Variants in TNFAIP8L1 observed in about 807,000 individuals in gnomAD.
TNFAIP8L1 encodes the protein TNF alpha induced protein 8 like 1.
For missense variants in TNFAIP8L1, 225 were observed against 266.1 expected (o/e 0.85, Z 1.08); for synonymous variants, 127 against 125.6 (o/e 1.01, Z -0.08).
rs2088316308 is a variant in TNFAIP8L1, at chr19:4,646,846, G to A, written c.-3-5021G>A. On this transcript the variant is annotated intron_variant, in intron 1 of 1. Transcript: ENST00000327473. ...GGGGTTTCACCGTGTTAGCCAGGAT[G>A]GTCTCGATCTCCTGACCTTGTGATC... Among the ~76,000 whole-genome samples the A allele has an allele frequency of 5.3e-5, 8 of 152,264 alleles. No homozygotes were observed. In the South Asian group the frequency reaches 1.7e-3, roughly 32 times the overall value.
Position 4,652,573 on chromosome 19 carries a change from C to T in TNFAIP8L1, c.*143C>T. The T allele has an allele frequency of 1.3e-6, 1 of 778,998 alleles. No individual in the cohort carries two copies. Among genetic ancestry groups the T allele is most frequent in the Non-Finnish European group, 2.0e-6 (1 of 506,820 alleles). 48.3% of individuals were successfully genotyped at this position (778,998 alleles called of 1,614,324 possible). ...CCCTAGACAGATGGGTGACCTGTCTCCTTTGAGAGGATGCTGAGGCATCTG... is the reference window on the plus strand; with the variant it reads ...CCCTAGACAGATGGGTGACCTGTCTTCTTTGAGAGGATGCTGAGGCATCTG... On this transcript the variant is annotated 3_prime_UTR_variant, in exon 2 of 2. Transcript: ENST00000327473.
chr19:4,651,193 C>T (rs2088361005), intron 1 of TNFAIP8L1, among the ~76,000 whole-genome samples: 1 of 151,590 alleles, frequency 6.6e-6, no homozygotes. Flanking sequence ...GAACGGAACC[C>T]CCTGTAACAA....
intron 1 of TNFAIP8L1, among the ~76,000 whole-genome samples, chr19:4,646,635 A>AT (rs879544415): frequency 4.6e-4 from 65 of 141,284 alleles, no homozygotes; most frequent in Middle Eastern, 7.6e-3. Flanking sequence ...TCTCCTGAAC[A>AT]TTTTTTTTTT....
At chr19:4,639,697 C>G (rs1414513862) in intron 1 of TNFAIP8L1, 68 bp downstream of exon 1, 2 of 152,256 alleles carry the variant, frequency 1.3e-5, no homozygotes, top group African/African-American at 2.4e-5. Context: ...CGCCCTCTGT[C>G]TCTCCCGCCC....
rs919399253 is a variant in TNFAIP8L1, at chr19:4,647,410, A to C, written c.-3-4457A>C. On this transcript the variant is annotated intron_variant, in intron 1 of 1. Transcript: ENST00000327473. Reference sequence around the variant, plus strand: ...TGCAACCTCCACCTCCCGGGTTCAAATGATCCTCCTGCCTCAGCCTCCAGA... The same window carrying C: ...TGCAACCTCCACCTCCCGGGTTCAACTGATCCTCCTGCCTCAGCCTCCAGA... 4.0e-5 allele frequency among the ~76,000 whole-genome samples: 6 copies of C among 151,812 alleles called. No homozygotes were observed. In the South Asian group the frequency reaches 1.2e-3, roughly 32 times the overall value.
In TNFAIP8L1 at chr19:4,652,026, C is replaced by T. The variant is rs147056067; in HGVS notation, c.157C>T (p.Arg53Cys). 1.6e-4 allele frequency: 257 copies of T among 1,613,986 alleles called. No individual in the cohort carries two copies. Among genetic ancestry groups the T allele is most frequent in the Non-Finnish European group, 2.0e-4 (231 of 1,179,936 alleles). Residue 53 changes from arginine to cysteine, a missense_variant, in exon 2 of 2, where the codon CGC becomes TGC. Physicochemically the swap from Arg to Cys is radical, Grantham distance 180. Transcript: ENST00000327473. ...YRATREFTRS[R>C]KEAQKMLKNL... is the part of the protein sequence containing the mutation. The stretch of plus-strand genomic sequence containing the variant: ...CGCCACCAGGGAGTTCACGCGCAGC[C>T]GCAAGGAGGCCCAGAAGATGCTCAA...
At chr19:4,643,848 T>C (rs1453515667) in intron 1 of TNFAIP8L1, among the ~76,000 whole-genome samples, 1 of 151,820 alleles carries the variant, frequency 6.6e-6, no homozygotes, top group Non-Finnish European at 1.5e-5. Flanking sequence ...GGCAGGAGAA[T>C]TGCTTGAACT....
At chr19:4,648,836 T>C (rs746402975) in intron 1 of TNFAIP8L1, among the ~76,000 whole-genome samples, 13 of 151,898 alleles carry the variant, frequency 8.6e-5, no homozygotes, top group Non-Finnish European at 1.5e-4. Context: ...GGCCTTTTCC[T>C]CTTCGAGTCC....
At position 4,652,001 on chromosome 19, in the gene TNFAIP8L1, C is replaced by T. The variant is rs546659600; in HGVS notation, c.132C>T (p.Arg44=). ...GTGAGGTGCTGGATGAGCTGTACCGCGCCACCAGGGAGTTCACGCGCAGCC... is the reference window on the plus strand; with the variant it reads ...GTGAGGTGCTGGATGAGCTGTACCGTGCCACCAGGGAGTTCACGCGCAGCC... ...TSSEVLDELY[R]ATREFTRSRK... Residue 44 remains arginine (R), a synonymous_variant, in exon 2 of 2, where the codon CGC becomes CGT. Coordinates refer to ENST00000327473, the MANE Select transcript of TNFAIP8L1 (RefSeq NM_152362.3). 6.0e-4 allele frequency: 969 copies of T among 1,614,124 alleles called. 18 individuals carry two copies. In the South Asian group the frequency reaches 0.01, roughly 17 times the overall value.
rs887648828 is a variant in TNFAIP8L1, at chr19:4,652,913, A to G, written c.*483A>G. 84 of 173,642 alleles carry G rather than the reference A, an allele frequency of 4.8e-4. No homozygotes were observed. The highest frequency in any genetic ancestry group is 1.4e-3 in the Admixed American group (22 of 15,486). 10.8% of individuals were successfully genotyped at this position (173,642 alleles called of 1,614,324 possible). Reference sequence around the variant, plus strand: ...CTAACCCCCAGGACCTCAGAAGATGATCTGATTTGGAAATAGGATCATTAC... The same window carrying G: ...CTAACCCCCAGGACCTCAGAAGATGGTCTGATTTGGAAATAGGATCATTAC... On this transcript the variant is annotated 3_prime_UTR_variant, in exon 2 of 2. Transcript: ENST00000327473.
chr19:4,651,749 GAC>G, intron 1 of TNFAIP8L1, 116 bp from the exon 2 acceptor site: 1 of 1,195,374 alleles, frequency 8.4e-7, no homozygotes, highest in Non-Finnish European at 1.1e-6. Context: ...CGTCCGGCAT[GAC>G]ACTTTTTAAA....
At chr19:4,651,824 G>GC in intron 1 of TNFAIP8L1, 43 bp from the exon 2 acceptor site, 1 of 1,542,252 alleles carries the variant, frequency 6.5e-7, no homozygotes, top group African/African-American at 1.4e-5. Flanking sequence ...TGTGAGGAGT[G>GC]CCCCAACGTG....
intron 1 of TNFAIP8L1, among the ~76,000 whole-genome samples, chr19:4,648,782 A>T (rs929792351): frequency 1.3e-5 from 2 of 152,184 alleles, no homozygotes; most frequent in African/African-American, 4.8e-5. Context: ...TGTGGGCTCC[A>T]GGGCCGATGG....
At chr19:4,649,343 G>A (rs766673724) in intron 1 of TNFAIP8L1, among the ~76,000 whole-genome samples, 4 of 151,934 alleles carry the variant, frequency 2.6e-5, no homozygotes, top group Non-Finnish European at 5.9e-5. Flanking sequence ...GCAGCCTCTC[G>A]TCCAGAGGAA....
intron 1 of TNFAIP8L1, among the ~76,000 whole-genome samples, chr19:4,642,796 G>T (rs1057093983): frequency 6.6e-6 from 1 of 152,036 alleles, no homozygotes; most frequent in African/African-American, 2.4e-5. Flanking sequence ...CTTATGGGCT[G>T]CCAGGAATAC....
chr19:4,652,385 G>C lies in TNFAIP8L1; in HGVS notation c.516G>C (p.Arg172Ser). The C allele has an allele frequency of 6.4e-7, 1 of 1,551,812 alleles. No homozygotes were observed. The highest frequency in any genetic ancestry group is 8.7e-7 in the Non-Finnish European group (1 of 1,150,454). ...PAEPYRSHLR[R>S]ICEGLGRMLD... ...AGCCCTACCGCTCCCACCTGCGCAG[G>C]ATCTGCGAGGGCCTGGGCCGGATGC... The change falls in exon 2 of 2, where the codon AGG (arginine) becomes AGC (serine). Residue 172 changes from arginine to serine, a missense_variant. By Grantham distance (110) the Arg-to-Ser change is moderately radical. Coordinates refer to ENST00000327473, the MANE Select transcript of TNFAIP8L1 (RefSeq NM_152362.3).
Position 4,652,245 on chromosome 19 carries a change from C to T in TNFAIP8L1, c.376C>T (p.Leu126=). ...LAAGLLECRD[L]LHQAVGPHLT... is the part of the protein sequence containing the mutation. ...CGCCGGGCTGCTCGAGTGCCGCGACCTGCTGCACCAGGCCGTGGGTCCCCA... is the reference window on the plus strand; with the variant it reads ...CGCCGGGCTGCTCGAGTGCCGCGACTTGCTGCACCAGGCCGTGGGTCCCCA... The change falls in exon 2 of 2, where the codon CTG becomes TTG. Residue 126 remains leucine (L), a synonymous_variant. Coordinates refer to ENST00000327473, the MANE Select transcript of TNFAIP8L1 (RefSeq NM_152362.3). 1 of 1,556,296 alleles carries T rather than the reference C, an allele frequency of 6.4e-7. No individual in the cohort carries two copies. The highest frequency in any genetic ancestry group is 8.7e-7 in the Non-Finnish European group (1 of 1,154,234).
chr19:4,651,740 G>C, intron 1 of TNFAIP8L1, 127 bp from the exon 2 acceptor site: 2 of 1,096,386 alleles, frequency 1.8e-6, no homozygotes, highest in East Asian at 5.2e-5. Flanking sequence ...GAGCCACTGC[G>C]TCCGGCATGA....
rs1168798051 is a variant in TNFAIP8L1, at chr19:4,652,073, G to A, written c.204G>A (p.Leu68=). Residue 68 remains leucine (L), a synonymous_variant, in exon 2 of 2, where the codon CTG becomes CTA. Coordinates refer to ENST00000327473, the MANE Select transcript of TNFAIP8L1 (RefSeq NM_152362.3). ...TCAAGAACCTGGTCAAGGTGGCCCT[G>A]AAGCTGGGACTGCTGCTGCGTGGGG... ...KMLKNLVKVA[L]KLGLLLRGDQ... is the part of the protein sequence containing the mutation. 1 of 1,609,516 alleles carries A rather than the reference G, an allele frequency of 6.2e-7. No homozygotes were observed. Among genetic ancestry groups the A allele is most frequent in the Admixed American group, 1.7e-5 (1 of 59,284 alleles).
Sources: allele counts gnomAD v4.1 joint callset (sites outside exome capture counted in the v4.1 genomes callset), GRCh38; gene constraint gnomAD v4.1.1; transcripts MANE v1.5; gene names NCBI Gene and HGNC (gene_info 2026-07-23, HGNC 2026-07-21).